The following TLCD4 variants were observed in gnomAD, a reference collection of about 807,000 sequenced individuals.
TLCD4 encodes the protein TLC domain containing 4.
In TLCD4, 7 loss-of-function variants were observed where a neutral mutation model predicts 24.2. That is an observed-to-expected ratio of 0.29 (90% CI 0.16 to 0.54). The LOEUF (loss-of-function observed/expected upper bound fraction) is 0.54. TLCD4 is among the 20% of genes least tolerant of loss of function. The pLI is 0.95. For synonymous variants in TLCD4, 103 were observed against 106.4 expected (o/e 0.97, Z 0.20); for missense variants, 259 against 313.9 (o/e 0.82, Z 1.32).
chr1:95,151,443 C>G, intron 5 of TLCD4, 24 bp downstream of exon 5: 3 of 1,603,376 alleles, frequency 1.9e-6, no homozygotes. Flanking sequence ...TTTTCTGTAG[C>G]CTAACTAGCA....
At chr1:95,177,026 C>A (rs1187153109) in intron 6 of TLCD4, among the ~76,000 whole-genome samples, 1 of 152,156 alleles carries the variant, frequency 6.6e-6, no homozygotes, top group African/African-American at 2.4e-5. Flanking sequence ...CCTTTCCTCA[C>A]AGTGTTACCA....
At chr1:95,113,987 T>TCTC (rs1676386160), upstream of TLCD4, among the ~76,000 whole-genome samples, 1 of 152,008 alleles carries the variant, frequency 6.6e-6, no homozygotes, top group Non-Finnish European at 1.5e-5. Flanking sequence ...CACCCAGAAA[T>TCTC]AACCACTGGT....
At chr1:95,107,576 C>T in the TLCD4 span, among the ~76,000 whole-genome samples, 1 of 152,052 alleles carries the variant, frequency 6.6e-6, no homozygotes, top group Non-Finnish European at 1.5e-5. Flanking sequence ...AGCAGGGGCT[C>T]TTTATACTAA....
intron 5 of TLCD4, among the ~76,000 whole-genome samples, chr1:95,157,293 A>G (rs940134827): frequency 1.3e-5 from 2 of 152,198 alleles, no homozygotes; most frequent in African/African-American, 4.8e-5. Context: ...CAAAAACAGC[A>G]TTTCTCATAT....
At chr1:95,150,293 A>G in intron 4 of TLCD4, 27 bp downstream of exon 4, 2 of 1,605,160 alleles carry the variant, frequency 1.2e-6, no homozygotes, top group Non-Finnish European at 1.7e-6. Flanking sequence ...TTTATTGTCT[A>G]ATTCCTTGTA....
intron 6 of TLCD4, among the ~76,000 whole-genome samples, chr1:95,189,147 C>A (rs1443654253): frequency 6.6e-6 from 1 of 152,172 alleles, no homozygotes; most frequent in African/African-American, 2.4e-5. Context: ...TTTCATCAAA[C>A]AAATCCATTT....
In TLCD4 at chr1:95,194,137, T is replaced by G. The variant is rs776432155; in HGVS notation, c.*2269T>G. On this transcript the variant is annotated 3_prime_UTR_variant, in exon 7 of 7. Coordinates refer to ENST00000370203, the MANE Select transcript of TLCD4 (RefSeq NM_152487.3). ...TACTTTCATTAATGTTACCCTTCAC[T>G]GGTATAGCCACTCACTAAATAAGTA... 5.9e-5 allele frequency: 9 copies of G among 152,272 alleles called. No homozygotes were observed. Among genetic ancestry groups the G allele is most frequent in the Admixed American group, 2.0e-4 (3 of 15,308 alleles). The allele number at this position is 152,272 out of a possible 1,614,324, so 9.4% of individuals were successfully genotyped here. A position where few individuals can be genotyped will look rare whatever the true frequency, so the allele number is the denominator to read the frequency against.
chr1:95,187,343 C>T (rs1420508004), intron 6 of TLCD4, among the ~76,000 whole-genome samples: 1 of 152,068 alleles, frequency 6.6e-6, no homozygotes, highest in Non-Finnish European at 1.5e-5. Flanking sequence ...TCTCAGGATC[C>T]CTTCCAGAAT....
At chr1:95,185,912 A>G (rs529277870) in intron 6 of TLCD4, among the ~76,000 whole-genome samples, 1 of 152,268 alleles carries the variant, frequency 6.6e-6, no homozygotes, top group East Asian at 1.9e-4. Flanking sequence ...AAGAAACCAG[A>G]TGCTCTGATG....
intron 3 of TLCD4, among the ~76,000 whole-genome samples, chr1:95,149,073 A>G (rs566493517): frequency 1.2e-4 from 18 of 152,330 alleles, no homozygotes; most frequent in African/African-American, 4.1e-4. Context: ...AAGCCAAGTT[A>G]TTGTAGTCAC....
intron 1 of TLCD4, among the ~76,000 whole-genome samples, chr1:95,127,983 A>G (rs1676784415): frequency 6.6e-6 from 1 of 152,208 alleles, no homozygotes; most frequent in Non-Finnish European, 1.5e-5. Context: ...GTGAGTCTGT[A>G]GTCCCAGATA....
the TLCD4 span, among the ~76,000 whole-genome samples, chr1:95,112,201 G>A: frequency 1.3e-5 from 2 of 151,836 alleles, no homozygotes; most frequent in East Asian, 1.9e-4. Context: ...GTGTCTCCTG[G>A]GGCAGGGGAA....
At chr1:95,120,765 G>C (rs1165115793) in intron 1 of TLCD4, among the ~76,000 whole-genome samples, 1 of 152,216 alleles carries the variant, frequency 6.6e-6, no homozygotes, top group Non-Finnish European at 1.5e-5. Flanking sequence ...TTTACACTGA[G>C]ACCCAGGGCA....
chr1:95,105,144 T>A, the TLCD4 span, among the ~76,000 whole-genome samples: 77,741 of 152,050 alleles, frequency 0.51, 21,359 homozygotes, highest in Non-Finnish European at 0.6. Flanking sequence ...GGAGAGAGTA[T>A]AATTGTACCA....
chr1:95,159,769 T>G (rs1677731622), intron 5 of TLCD4, among the ~76,000 whole-genome samples: 1 of 152,196 alleles, frequency 6.6e-6, no homozygotes, highest in Non-Finnish European at 1.5e-5. Flanking sequence ...GGGAATCCTT[T>G]CCCCATTTCT....
At chr1:95,110,361 A>G in the TLCD4 span, among the ~76,000 whole-genome samples, 3 of 151,996 alleles carry the variant, frequency 2.0e-5, no homozygotes, top group Non-Finnish European at 4.4e-5. Flanking sequence ...CTGGGTTTGA[A>G]TTTTAAAATT....
chr1:95,128,536 A>T (rs776377139), intron 1 of TLCD4, among the ~76,000 whole-genome samples: 19 of 152,356 alleles, frequency 1.2e-4, no homozygotes, highest in Non-Finnish European at 2.5e-4. Context: ...GGTGTTGTGG[A>T]TACCAGTGGG....
chr1:95,103,095 C>A, the TLCD4 span, among the ~76,000 whole-genome samples: 1 of 152,148 alleles, frequency 6.6e-6, no homozygotes, highest in Admixed American at 6.5e-5. Flanking sequence ...TCTCCTGCCT[C>A]AGCCTCCTGA....
In TLCD4 at chr1:95,130,152, T is replaced by A. The variant is rs542101808; in HGVS notation, c.-12+12535T>A. 1.7e-4 allele frequency among the ~76,000 whole-genome samples: 26 copies of A among 151,522 alleles called. No individual in the cohort carries two copies. The South Asian group carries it at 4.8e-3, about 28-fold the overall frequency. ...TAGTTGACATTCTTTTTCTTTATTT[T>A]ATTTAATTTATTTTTTTTTGAGACA... On this transcript the variant is annotated intron_variant, in intron 1 of 6. Coordinates refer to ENST00000370203, the MANE Select transcript of TLCD4 (RefSeq NM_152487.3).
Sources: allele counts gnomAD v4.1 joint callset (sites outside exome capture counted in the v4.1 genomes callset), GRCh38; gene constraint gnomAD v4.1.1; transcripts MANE v1.5; gene names NCBI Gene and HGNC (gene_info 2026-07-23, HGNC 2026-07-21).